Variants in MCF2 observed in about 807,000 individuals in gnomAD.
MCF2 encodes proto-oncogene DBL.
Under a neutral mutation model 82.5 loss-of-function variants are expected in MCF2, and 44 were observed. The ratio of observed to expected loss-of-function variants is 0.53; its 90% CI spans 0.42 to 0.69. MCF2 has a LOEUF of 0.69. MCF2 is among the 30% of genes least tolerant of loss of function. The probability of loss-of-function intolerance (pLI) is 0.00; values close to 1 mark genes in which losing one functional copy is unlikely to be tolerated. For synonymous variants in MCF2, 217 were observed against 224.9 expected, an observed-to-expected ratio of 0.96 and a Z score of 0.32; for missense variants, 623 against 663.1, an observed-to-expected ratio of 0.94 and a Z score of 0.66.
chrX:139,597,415 G>A, intron 18 of MCF2, 45 bp downstream of exon 22: 1 of 1,061,804 alleles, frequency 9.4e-7, no homozygotes, highest in Non-Finnish European at 1.3e-6. Flanking sequence ...GGGATGTTGA[G>A]ATGCCGACCC....
chrX:139,636,140 T>C (rs756930523), intron 1 of MCF2, among the ~76,000 whole-genome samples: 1 of 111,350 alleles, frequency 9.0e-6, no homozygotes, highest in East Asian at 2.8e-4. Context: ...GTAGAAAACT[T>C]TAGGGATATG....
At chrX:139,681,884 G>A (rs757262692) in intron 1 of MCF2, among the ~76,000 whole-genome samples, 2 of 112,161 alleles carry the variant, frequency 1.8e-5, no homozygotes, top group Non-Finnish European at 3.8e-5. Flanking sequence ...CAAGGAGCAG[G>A]ACTGGGCTAG....
At chrX:139,627,931 A>T (rs1465924876) in intron 4 of MCF2, among the ~76,000 whole-genome samples, 1 of 112,038 alleles carries the variant, frequency 8.9e-6, no homozygotes, top group East Asian at 2.8e-4. Context: ...ATGAGATACC[A>T]TCTCACACCA....
exon 21 of MCF2, chrX:139,588,368 A>C: frequency 8.3e-7 from 1 of 1,205,388 alleles, no homozygotes; most frequent in Non-Finnish European, 1.1e-6. Flanking sequence ...ACCTGTCAAA[A>C]GTTCCTGCTG....
chrX:139,667,780 C>T (rs1244423944), intron 1 of MCF2, among the ~76,000 whole-genome samples: 1 of 111,611 alleles, frequency 9.0e-6, no homozygotes, highest in Admixed American at 9.5e-5. Context: ...CTGTTGGTGG[C>T]CACAGTCCAA....
intron 1 of MCF2, among the ~76,000 whole-genome samples, chrX:139,678,612 A>T (rs1359473810): frequency 1.8e-5 from 2 of 112,010 alleles, no homozygotes; most frequent in Non-Finnish European, 3.8e-5. Context: ...TATATAAAAG[A>T]TTATAAGTCA....
intron 6 of MCF2, among the ~76,000 whole-genome samples, chrX:139,620,523 T>C (rs1036300940): frequency 1.8e-5 from 2 of 111,638 alleles, no homozygotes; most frequent in African/African-American, 6.5e-5. Flanking sequence ...AGTTTTACGA[T>C]ACAAAATCAA....
At chrX:139,620,314 T>C (rs1373730177) in intron 6 of MCF2, among the ~76,000 whole-genome samples, 1 of 111,093 alleles carries the variant, frequency 9.0e-6, no homozygotes, top group African/African-American at 3.3e-5. Context: ...TTTATTTAAA[T>C]GTTGGAGTAT....
At chrX:139,640,996 T>C (rs191491523) in intron 1 of MCF2, among the ~76,000 whole-genome samples, 1 of 110,517 alleles carries the variant, frequency 9.0e-6, no homozygotes, top group African/African-American at 3.3e-5. Context: ...TTACCCTTTC[T>C]ATTAGATTGA....
chrX:139,637,754 T>A lies in MCF2; in HGVS notation c.51+4714A>T, dbSNP rs1603296844. On this transcript the variant is annotated intron_variant, in intron 1 of 24. Transcript: ENST00000370576. Reference sequence around the variant, plus strand: ...ATCCTCAAAGATGTCTACATCCTAATCCCTGGAACCTGGTAATATGTTATC... The same window carrying A: ...ATCCTCAAAGATGTCTACATCCTAAACCCTGGAACCTGGTAATATGTTATC... 2.7e-5 allele frequency among the ~76,000 whole-genome samples: 3 copies of A among 111,700 alleles called. No individual in the cohort carries two copies. The East Asian group carries it at 8.4e-4, about 31-fold the overall frequency.
rs769762321 is a variant in MCF2 at position 139,672,852 on chromosome X, C to T, written c.-44-21064G>A. 1.4e-3 allele frequency among the ~76,000 whole-genome samples: 157 copies of T among 112,003 alleles called. 3 individuals are homozygous for T. The South Asian group carries it at 0.05, about 36-fold the overall frequency. Reference sequence around the variant, plus strand: ...CATAAAATGAGTTAGGGAGGATTCCCTCTTTTTCTATTGATTGGAATAGTT... The same window carrying T: ...CATAAAATGAGTTAGGGAGGATTCCTTCTTTTTCTATTGATTGGAATAGTT... On this transcript the variant is annotated intron_variant, in intron 1 of 27. Coordinates refer to the MCF2 transcript ENST00000414978.
intron 19 of MCF2, 56 bp downstream of exon 23, chrX:139,596,493 C>T: frequency 1.1e-6 from 1 of 934,805 alleles, no homozygotes; most frequent in Non-Finnish European, 1.5e-6. Flanking sequence ...AATGTACAAA[C>T]TGGGAGACAC....
upstream of MCF2, among the ~76,000 whole-genome samples, chrX:139,647,095 T>TA (rs1191408469): frequency 9.0e-6 from 1 of 110,836 alleles, no homozygotes; most frequent in Non-Finnish European, 1.9e-5. Flanking sequence ...AGTTTCTCAA[T>TA]AAAAAAAGAA....
intron 6 of MCF2, among the ~76,000 whole-genome samples, chrX:139,624,172 G>T (rs768922620): frequency 9.0e-6 from 1 of 111,176 alleles, no homozygotes; most frequent in African/African-American, 3.3e-5. Context: ...TATTCTAGCT[G>T]GTCATATATA....
intron 22 of MCF2, among the ~76,000 whole-genome samples, chrX:139,587,017 T>C (rs1929028921): frequency 8.9e-6 from 1 of 111,947 alleles, no homozygotes; most frequent in South Asian, 3.7e-4. Flanking sequence ...TTTCATCTGA[T>C]TTTAGCTACC....
intron 6 of MCF2, among the ~76,000 whole-genome samples, chrX:139,622,427 A>G: frequency 8.9e-6 from 1 of 111,893 alleles, no homozygotes; most frequent in Non-Finnish European, 1.9e-5. Flanking sequence ...AGACATATGC[A>G]CACGTATGTT....
At chrX:139,633,158 C>A (rs956479163) in intron 1 of MCF2, among the ~76,000 whole-genome samples, 2 of 111,224 alleles carry the variant, frequency 1.8e-5, no homozygotes, top group Admixed American at 1.9e-4. Context: ...TGAAGCATAA[C>A]GAGGAGTTAA....
At chrX:139,644,178 A>G (rs142544151), upstream of MCF2, among the ~76,000 whole-genome samples, 404 of 112,328 alleles carry the variant, frequency 3.6e-3, 3 homozygotes, top group East Asian at 0.043. Context: ...GTATTTGTCT[A>G]TTTGTAAGCC....
rs192703542 is a variant in MCF2, at chrX:139,664,015, T to C, written c.-44-12227A>G. Among the ~76,000 whole-genome samples the C allele has an allele frequency of 6.7e-3, 741 of 111,042 alleles. 3 individuals carry two copies. Among genetic ancestry groups the C allele is most frequent in the African/African-American group, 0.022 (684 of 30,440 alleles). On this transcript the variant is annotated intron_variant, in intron 1 of 27. Transcript: ENST00000414978. ...TTGTTTGTGTTTTGTTTTTTGTTTT[T>C]GTTTTTTGAGGCAGAGTCTCTCTCT... is the stretch of plus-strand genomic sequence containing the variant.
Sources: allele counts gnomAD v4.1 joint callset (sites outside exome capture counted in the v4.1 genomes callset), GRCh38; gene constraint gnomAD v4.1.1; transcripts MANE v1.5; gene names NCBI Gene and HGNC (gene_info 2026-07-23, HGNC 2026-07-21).